The following XYLB variants were observed in gnomAD, a reference collection of about 807,000 sequenced individuals.
The protein encoded by XYLB is xylulose kinase.
A neutral mutation model predicts 78.7 loss-of-function variants in XYLB; 62 were observed. The observed-to-expected ratio is 0.79, with a 90% CI of 0.64 to 0.97. The LOEUF is 0.97. XYLB is among the 50% of genes least tolerant of loss of function. The pLI, the probability that XYLB is intolerant of heterozygous loss-of-function variation, is 0.00. For missense variants in XYLB, 687 were observed against 676.8 expected, an observed-to-expected ratio of 1.02 and a Z score of -0.17; for synonymous variants, 245 against 247.4, an observed-to-expected ratio of 0.99 and a Z score of 0.09.
At chr3:38,452,435 CTTGTTT>C in the XYLB span, 1 of 152,044 alleles carries the variant, frequency 6.6e-6, no homozygotes, top group East Asian at 1.9e-4. Flanking sequence ...CCTTTATAAA[CTTGTTT>C]TTTTTTTGAG....
chr3:38,416,517 T>G (rs1322256533), downstream of XYLB, among the ~76,000 whole-genome samples: 3 of 152,174 alleles, frequency 2.0e-5, no homozygotes, highest in Non-Finnish European at 2.9e-5. Flanking sequence ...GTGAAAGGAC[T>G]TACCTATTAA....
intron 15 of XYLB, among the ~76,000 whole-genome samples, chr3:38,383,928 T>G (rs1707264556): frequency 6.6e-6 from 1 of 152,250 alleles, no homozygotes; most frequent in Admixed American, 6.5e-5. Flanking sequence ...GTACCTTATA[T>G]GCAAAGGGTG....
chr3:38,436,386 C>T, the XYLB span, among the ~76,000 whole-genome samples: 2 of 152,126 alleles, frequency 1.3e-5, no homozygotes, highest in African/African-American at 2.4e-5. Context: ...AAATAGAAAA[C>T]GCAAACAGAC....
chr3:38,360,265 A>C, intron 2 of XYLB, 74 bp from the exon 3 acceptor site: 1 of 1,380,828 alleles, frequency 7.2e-7, no homozygotes, highest in Non-Finnish European at 1.0e-6. Flanking sequence ...GTCATCCACC[A>C]TAGGGTTTCT....
chr3:38,388,154 T>A (rs1707467596), intron 15 of XYLB, among the ~76,000 whole-genome samples: 1 of 127,886 alleles, frequency 7.8e-6, no homozygotes, highest in Non-Finnish European at 1.7e-5. Context: ...GCGGGTGAGG[T>A]GGTGGTTTTT....
At chr3:38,442,596 G>A in the XYLB span, among the ~76,000 whole-genome samples, 299 of 152,270 alleles carry the variant, frequency 2.0e-3, 3 homozygotes, top group African/African-American at 6.9e-3. Flanking sequence ...CAGGATATAG[G>A]GGTTGGGTAC....
Position 38,365,675 on chromosome 3 carries a change from TGGAG to T in XYLB, c.448_451del (p.Glu150LeufsTer69), listed in dbSNP as rs1706216797. 4 of 1,613,944 alleles carry T rather than the reference TGGAG, an allele frequency of 2.5e-6. No homozygotes were observed. The highest frequency in any genetic ancestry group is 3.4e-6 in the Non-Finnish European group (4 of 1,179,990). On this transcript the variant is annotated frameshift_variant, in exon 6 of 19. Transcript: ENST00000207870. LOFTEE classifies it high-confidence loss of function. Reference sequence around the variant, plus strand: ...AGCACCACAGCCCAGTGCCGCCAGCTGGAGGCTGCTGTGGGTGGTGCTCAGGCTC... The same window carrying T: ...AGCACCACAGCCCAGTGCCGCCAGCTGCTGCTGTGGGTGGTGCTCAGGCTC...
chr3:38,369,979 C>A, intron 8 of XYLB, 77 bp from the exon 9 acceptor site: 1 of 1,231,126 alleles, frequency 8.1e-7, no homozygotes. Flanking sequence ...GAATTATCTG[C>A]TCTGTGCCAG....
rs201851271 is a variant in XYLB at position 38,412,941 on chromosome 3, C to T, written c.1539C>T (p.Tyr513=). 5.6e-6 allele frequency: 9 copies of T among 1,602,506 alleles called. No homozygotes were observed. Among genetic ancestry groups the T allele is most frequent in the Admixed American group, 1.7e-5 (1 of 58,274 alleles). Residue 513 remains tyrosine (Y), a synonymous_variant, in exon 19 of 19, where the codon TAC becomes TAT. Coordinates refer to ENST00000207870, the MANE Select transcript of XYLB (RefSeq NM_005108.4). ...TGCTTTTTCTGCCCTTCTAGGTCTACGAGGCCCTTCTCCCCCAGTATGCCA... is the reference window on the plus strand; with the variant it reads ...TGCTTTTTCTGCCCTTCTAGGTCTATGAGGCCCTTCTCCCCCAGTATGCCA... ...ATPSPGASQV[Y]EALLPQYAKL...
At chr3:38,401,338 C>T (rs1322549243) in intron 18 of XYLB, among the ~76,000 whole-genome samples, 1 of 152,054 alleles carries the variant, frequency 6.6e-6, no homozygotes, top group African/African-American at 2.4e-5. Context: ...CAAGTCTAGA[C>T]CCAAGATAGC....
In XYLB at chr3:38,376,158, A is replaced by C; in HGVS notation, c.1046A>C (p.Glu349Ala). The change falls in exon 13 of 19, where the codon GAG (glutamate) becomes GCG (alanine). Residue 349 changes from glutamate to alanine, a missense_variant. Coordinates refer to ENST00000207870, the MANE Select transcript of XYLB (RefSeq NM_005108.4). ...GSLMREKIRNESVSRSWSDFS... is the reference protein window; with the variant it reads ...GSLMREKIRNASVSRSWSDFS... ...CTCATGAGAGAGAAGATCCGCAACG[A>C]GTCTGTATCCCGTTCCTGGAGCGAT... The C allele has an allele frequency of 6.2e-7, 1 of 1,614,074 alleles. No homozygotes were observed. Among genetic ancestry groups the C allele is most frequent in the East Asian group, 2.2e-5 (1 of 44,878 alleles).
the XYLB span, among the ~76,000 whole-genome samples, chr3:38,440,869 C>T: frequency 6.7e-6 from 1 of 150,196 alleles, no homozygotes; most frequent in Non-Finnish European, 1.5e-5. Context: ...TTTGTCTCTT[C>T]CTCTCTCTCT....
chr3:38,400,927 T>C lies in XYLB; in HGVS notation c.1475T>C (p.Val492Ala). Reference sequence around the variant, plus strand: ...GGAACAGATGTGCCCTTTTCAGAGGTTGTGAAGTTAGCTCCAAATCCCAGA... The same window carrying C: ...GGAACAGATGTGCCCTTTTCAGAGGCTGTGAAGTTAGCTCCAAATCCCAGA... ...AGGTDVPFSEVVKLAPNPRLA... is the reference protein window; with the variant it reads ...AGGTDVPFSEAVKLAPNPRLA... Residue 492 changes from valine to alanine, a missense_variant, in exon 18 of 19, where the codon GTT (valine) becomes GCT (alanine). Transcript: ENST00000207870. The C allele has an allele frequency of 3.1e-6, 5 of 1,614,074 alleles. No individual in the cohort carries two copies. The highest frequency in any genetic ancestry group is 4.2e-6 in the Non-Finnish European group (5 of 1,180,016).
intron 18 of XYLB, among the ~76,000 whole-genome samples, chr3:38,402,249 T>C (rs1388958556): frequency 6.6e-6 from 1 of 152,184 alleles, no homozygotes; most frequent in Non-Finnish European, 1.5e-5. Context: ...ATTATCCTTT[T>C]TATTCTTGTC....
intron 3 of XYLB, 59 bp downstream of exon 3, chr3:38,360,467 G>A: frequency 6.8e-7 from 1 of 1,468,610 alleles, no homozygotes; most frequent in South Asian, 1.3e-5. Context: ...GGCAGACTCG[G>A]TGATTTGCTA....
At chr3:38,397,212 G>A in intron 17 of XYLB, 53 bp downstream of exon 17, 1 of 1,552,584 alleles carries the variant, frequency 6.4e-7, no homozygotes, top group Non-Finnish European at 8.9e-7. Flanking sequence ...GACATGGGGT[G>A]GGCTGAGGAG....
At chr3:38,407,061 A>G (rs1371382553) in intron 18 of XYLB, among the ~76,000 whole-genome samples, 1 of 147,072 alleles carries the variant, frequency 6.8e-6, no homozygotes, top group Non-Finnish European at 1.5e-5. Flanking sequence ...CGAGAAGAGC[A>G]ACTCCAAGAC....
downstream of XYLB, among the ~76,000 whole-genome samples, chr3:38,418,552 G>A (rs1708877218): frequency 6.6e-6 from 1 of 152,098 alleles, no homozygotes; most frequent in African/African-American, 2.4e-5. Flanking sequence ...TTGGGAAAAG[G>A]CACATATACA....
chr3:38,395,367 T>A (rs1234094981), intron 15 of XYLB, 138 bp from the exon 16 acceptor site: 1 of 747,216 alleles, frequency 1.3e-6, no homozygotes, highest in Non-Finnish European at 2.3e-6. Context: ...GCTTTGGATC[T>A]CTCCCGTAGT....
Sources: allele counts gnomAD v4.1 joint callset (sites outside exome capture counted in the v4.1 genomes callset), GRCh38; gene constraint gnomAD v4.1.1; transcripts MANE v1.5; gene names NCBI Gene and HGNC (gene_info 2026-07-23, HGNC 2026-07-21).